The following ZNF254 variants were observed in gnomAD, a reference collection of about 807,000 sequenced individuals.
ZNF254 encodes the protein CTD-2017D11.1.
ZNF254 carries 10 observed loss-of-function variants against 12.4 expected under a neutral mutation model. That is an observed-to-expected ratio of 0.80 (90% CI 0.50 to 1.36). The LOEUF is 1.36. Ranked by LOEUF, ZNF254 falls within the 40% of genes most tolerant of loss-of-function variation. The probability of loss-of-function intolerance (pLI) is 0.00; values close to 1 mark genes in which losing one functional copy is unlikely to be tolerated. For missense variants in ZNF254, 996 were observed against 763.9 expected, an observed-to-expected ratio of 1.30 and a Z score of -3.58; for synonymous variants, 305 against 253.4, an observed-to-expected ratio of 1.20 and a Z score of -1.93.
intron 2 of ZNF254, among the ~76,000 whole-genome samples, chr19:24,053,013 G>C (rs1176445988): frequency 1.3e-5 from 2 of 152,172 alleles, no homozygotes; most frequent in East Asian, 3.8e-4. Context: ...GCACACAGGG[G>C]AGGTTGCGAC....
At chr19:24,082,076 T>C (rs1476924147) in intron 2 of ZNF254, among the ~76,000 whole-genome samples, 4 of 151,746 alleles carry the variant, frequency 2.6e-5, no homozygotes. Flanking sequence ...TGAACCAAGA[T>C]TGTGCCATTG....
intron 1 of ZNF254, among the ~76,000 whole-genome samples, chr19:24,034,781 G>T (rs2145148565): frequency 7.1e-6 from 1 of 140,590 alleles, no homozygotes; most frequent in African/African-American, 2.6e-5. Context: ...CTGGCAAGAA[G>T]TTACTTTTTT....
At position 24,045,032 on chromosome 19, in the gene ZNF254, GTC is replaced by G. The variant is rs573399700; in HGVS notation, c.-189-1146_-189-1145del. ...TACCGTACCTTGTTTTAACCTGATT[GTC>G]TCTCTTAGCTGAGAGAGCCGGACAG... On this transcript the variant is annotated intron_variant, in intron 1 of 4. Coordinates refer to the ZNF254 transcript ENST00000613065. Among the ~76,000 whole-genome samples the G allele has an allele frequency of 2.6e-5, 4 of 152,200 alleles. 1 individual carries two copies. In the East Asian group the frequency reaches 7.7e-4, roughly 29 times the overall value.
chr19:24,103,619 TC>T (rs1286619689), intron 1 of ZNF254: 1 of 152,234 alleles, frequency 6.6e-6, no homozygotes, highest in African/African-American at 2.4e-5. Flanking sequence ...CAAGATACAT[TC>T]ATTGAGTTAA....
intron 2 of ZNF254, among the ~76,000 whole-genome samples, chr19:24,069,935 A>G (rs968559614): frequency 3.9e-5 from 6 of 152,202 alleles, no homozygotes; most frequent in Non-Finnish European, 8.8e-5. Context: ...AAAAGGAAAA[A>G]GAAATAAAAA....
chr19:24,049,556 A>C (rs1478091644), intron 2 of ZNF254: 1 of 152,146 alleles, frequency 6.6e-6, no homozygotes, highest in Non-Finnish European at 1.5e-5. Flanking sequence ...GAGGTAATGT[A>C]ACTATTCCAC....
intron 1 of ZNF254, among the ~76,000 whole-genome samples, chr19:24,088,629 C>T (rs1408462550): frequency 6.6e-6 from 1 of 151,932 alleles, no homozygotes; most frequent in Non-Finnish European, 1.5e-5. Context: ...ATTTTGATAC[C>T]TGTTTTAATT....
At chr19:24,066,976 G>T (rs369267965) in intron 2 of ZNF254, 1 of 152,080 alleles carries the variant, frequency 6.6e-6, no homozygotes. Flanking sequence ...ACTCTCTTGT[G>T]TTACCTGGTC....
chr19:24,129,674 T>C lies in ZNF254; in HGVS notation c.*1694T>C, dbSNP rs544412861. On this transcript the variant is annotated 3_prime_UTR_variant, in exon 4 of 4. Transcript: ENST00000357002. ...CACATTAGAGGAAATGAGATATCCATTACCTCTAGCATTTATTCTTTTTAT... is the reference window on the plus strand; with the variant it reads ...CACATTAGAGGAAATGAGATATCCACTACCTCTAGCATTTATTCTTTTTAT... The C allele has an allele frequency of 4.6e-5, 7 of 152,144 alleles. No individual in the cohort carries two copies. Among genetic ancestry groups the C allele is most frequent in the African/African-American group, 1.7e-4 (7 of 41,542 alleles). 9.4% of individuals were successfully genotyped at this position (152,144 alleles called of 1,614,324 possible).
At chr19:24,036,830 C>T (rs1323952879) in intron 1 of ZNF254, among the ~76,000 whole-genome samples, 2 of 152,140 alleles carry the variant, frequency 1.3e-5, no homozygotes, top group Non-Finnish European at 2.9e-5. Context: ...CTGCTACCAC[C>T]AATGATTTCC....
intron 1 of ZNF254, among the ~76,000 whole-genome samples, chr19:24,097,777 A>G (rs1418754327): frequency 1.6e-5 from 2 of 123,444 alleles, no homozygotes; most frequent in African/African-American, 2.8e-5. Context: ...GCAAAACTCT[A>G]TCTCAAAAAT....
In ZNF254 at chr19:24,069,728, G is replaced by A. The variant is rs1258545667; in HGVS notation, c.-94+23449G>A. The stretch of plus-strand genomic sequence containing the variant: ...AGCACTTTGGGAGGCCGAGGTGGGC[G>A]GATCACAAGGTTAGGAGATTGAGAC... On this transcript the variant is annotated intron_variant, in intron 2 of 4. Transcript: ENST00000613065. Among the ~76,000 whole-genome samples, 10 of 152,016 alleles carry A rather than the reference G, an allele frequency of 6.6e-5. No homozygotes were observed. The South Asian group carries it at 1.0e-3, about 16-fold the overall frequency.
chr19:24,055,232 A>AAAAAAAAAAAAAAAAAAAAAAAAAAAAG lies in ZNF254; in HGVS notation c.-94+8953_-94+8954insAAAAAAAAAAAAAAAAAAAAAAAAAAAG, dbSNP rs1555753129. Among the ~76,000 whole-genome samples the AAAAAAAAAAAAAAAAAAAAAAAAAAAAG allele has an allele frequency of 6.5e-5, 8 of 122,630 alleles. 1 individual carries two copies. The highest frequency in any genetic ancestry group is 1.7e-4 in the Admixed American group (2 of 11,908). The allele number at this position is 122,630 out of a possible 152,430, so 80.5% of individuals were successfully genotyped here. The stretch of plus-strand genomic sequence containing the variant: ...AAAAAAAAAAAAAAAAAAAAAAAAA[A>AAAAAAAAAAAAAAAAAAAAAAAAAAAAG]GAGTGTACTAACAAGACCCAGCACA... On this transcript the variant is annotated intron_variant, in intron 2 of 4. Transcript: ENST00000613065.
At chr19:24,101,925 A>G (rs1452950375) in intron 1 of ZNF254, among the ~76,000 whole-genome samples, 1 of 152,226 alleles carries the variant, frequency 6.6e-6, no homozygotes. Context: ...GTTGGTACCC[A>G]GATGAGAGTT....
chr19:24,066,305 CTCT>C (rs1971267933), intron 2 of ZNF254: 2 of 152,190 alleles, frequency 1.3e-5, no homozygotes, highest in South Asian at 2.1e-4. Flanking sequence ...TGATGTGACT[CTCT>C]TCTTCTGTTG....
In ZNF254 at chr19:24,099,143, C is replaced by T. The variant is rs182207404; in HGVS notation, c.31-6797C>T. ...TCCGAGTAGCTGAAATTACAGGTGC[C>T]CTCCACCATGCCCAGCTATTTTTTT... On this transcript the variant is annotated intron_variant, in intron 1 of 3. Transcript: ENST00000357002. Among the ~76,000 whole-genome samples, 720 of 151,116 alleles carry T rather than the reference C, an allele frequency of 4.8e-3. 2 individuals carry two copies. Among genetic ancestry groups the T allele is most frequent in the Middle Eastern group, 6.8e-3 (2 of 292 alleles).
chr19:24,123,589 GACAC>G (rs537202177), intron 3 of ZNF254, among the ~76,000 whole-genome samples: 18 of 151,130 alleles, frequency 1.2e-4, no homozygotes, highest in Middle Eastern at 3.4e-3. Context: ...CCTAATGTGA[GACAC>G]ACACACACAC....
At chr19:24,084,730 C>T (rs1971964601), upstream of ZNF254, among the ~76,000 whole-genome samples, 1 of 152,112 alleles carries the variant, frequency 6.6e-6, no homozygotes, top group South Asian at 2.1e-4. Context: ...TTGGTTCAGG[C>T]AATCCTCCTC....
rs559081969 is a variant in ZNF254 at position 24,034,560 on chromosome 19, C to T, written c.-190+939C>T. On this transcript the variant is annotated intron_variant, in intron 1 of 4. Transcript: ENST00000613065. ...TCACCCAGGCTGTAGTACAGTGGCA[C>T]GATCTCGGCACACTGCAACCTCTGT... Among the ~76,000 whole-genome samples the T allele has an allele frequency of 2.1e-5, 3 of 141,898 alleles. No individual in the cohort carries two copies. In the South Asian group the frequency reaches 6.8e-4, roughly 32 times the overall value. The allele number at this position is 141,898 out of a possible 152,430, so 93.1% of individuals were successfully genotyped here.
Sources: gnomAD v4.1 joint callset for allele counts (sites outside exome capture counted in the v4.1 genomes callset) on GRCh38, gnomAD v4.1.1 for gene constraint, MANE v1.5 for transcripts, NCBI Gene and HGNC (gene_info 2026-07-23, HGNC 2026-07-21) for gene names.